USP22: variants seen among roughly 807,000 people sequenced by gnomAD.
USP22 encodes ubiquitin carboxyl-terminal hydrolase 22.
USP22 carries 22 observed loss-of-function variants against 68.1 expected under a neutral mutation model. That is an observed-to-expected ratio of 0.32 (90% CI 0.23 to 0.46). The LOEUF (loss-of-function observed/expected upper bound fraction) is 0.46, where lower values mean the gene tolerates loss of function less well. Ranked by LOEUF, USP22 falls within the 20% of genes least tolerant of loss-of-function variation. The pLI is 1.00. For missense variants in USP22, 433 were observed against 695.8 expected (o/e 0.62, Z 4.25); for synonymous variants, 279 against 274.2 (o/e 1.02, Z -0.17).
At chr17:21,005,029 C>T (rs764126930) in intron 10 of USP22, 39 bp from the exon 11 acceptor site, 5 of 1,609,918 alleles carry the variant, frequency 3.1e-6, no homozygotes, top group Admixed American at 1.7e-5. Context: ...TCATTAAAAT[C>T]ATCAGGCCCA....
intron 3 of USP22, 31 bp downstream of exon 3, chr17:21,021,082 A>T: frequency 6.4e-7 from 1 of 1,551,130 alleles, no homozygotes; most frequent in Middle Eastern, 1.7e-4. Context: ...GAACTGCAGG[A>T]TCAAGCAGGT....
At chr17:21,003,115 T>C in intron 12 of USP22, 42 bp from the exon 13 acceptor site, 4 of 1,611,582 alleles carry the variant, frequency 2.5e-6, no homozygotes, top group African/African-American at 1.3e-5. Context: ...CTCTAACTCC[T>C]AAGACAGGAG....
intron 4 of USP22, among the ~76,000 whole-genome samples, chr17:21,018,788 C>T (rs1048608302): frequency 1.3e-5 from 2 of 152,222 alleles, no homozygotes; most frequent in African/African-American, 4.8e-5. Context: ...ATTTCTCTCC[C>T]TGAAGATTAC....
chr17:21,019,292 G>A, intron 3 of USP22, 107 bp from the exon 4 acceptor site: 1 of 1,070,196 alleles, frequency 9.3e-7, no homozygotes, highest in Non-Finnish European at 1.4e-6. Context: ...GTGCATTTCA[G>A]TGAGCAACAT....
intron 1 of USP22, among the ~76,000 whole-genome samples, chr17:21,033,976 T>C (rs1487932374): frequency 1.3e-5 from 2 of 152,054 alleles, no homozygotes; most frequent in Non-Finnish European, 2.9e-5. Context: ...CTTGAACTAC[T>C]GACCTCAAGT....
At chr17:21,008,177 A>G (rs1232796834) in intron 8 of USP22, among the ~76,000 whole-genome samples, 181 bp from the exon 9 acceptor site, 1 of 152,374 alleles carries the variant, frequency 6.6e-6, no homozygotes. Context: ...GCCTGTCTCT[A>G]CAGAATATTT....
intron 1 of USP22, among the ~76,000 whole-genome samples, chr17:21,039,714 C>T (rs1972402413): frequency 6.6e-6 from 1 of 152,178 alleles, no homozygotes; most frequent in African/African-American, 2.4e-5. Context: ...TAACAAAACT[C>T]GTAATTCCTA....
At chr17:21,033,226 G>A (rs995230432) in intron 1 of USP22, among the ~76,000 whole-genome samples, 2 of 152,182 alleles carry the variant, frequency 1.3e-5, no homozygotes, top group African/African-American at 4.8e-5. Flanking sequence ...CCCTTGCAAT[G>A]ATTTCTGAAT....
chr17:21,028,451 A>C (rs778641077), intron 2 of USP22, 91 bp downstream of exon 2: 611 of 1,554,118 alleles, frequency 3.9e-4, no homozygotes, highest in Non-Finnish European at 5.1e-4. Context: ...GACAAAGTGG[A>C]CTTTTGGAAG....
At chr17:21,028,027 G>A (rs771706188) in intron 2 of USP22, among the ~76,000 whole-genome samples, 30 of 152,178 alleles carry the variant, frequency 2.0e-4, no homozygotes, top group South Asian at 1.0e-3. Flanking sequence ...AATGTAGAAT[G>A]AGTTTGATTT....
intron 1 of USP22, among the ~76,000 whole-genome samples, chr17:21,039,946 T>C (rs1409987609): frequency 6.6e-6 from 1 of 152,210 alleles, no homozygotes; most frequent in African/African-American, 2.4e-5. Context: ...GGCTCTGGCC[T>C]GTAATCCCAG....
intron 6 of USP22, among the ~76,000 whole-genome samples, chr17:21,015,053 T>A (rs1052333609): frequency 2.6e-5 from 4 of 152,210 alleles, no homozygotes; most frequent in African/African-American, 7.2e-5. Flanking sequence ...ATGGATAGAC[T>A]TCAGCTGCAG....
chr17:21,017,197 C>T (rs557304648), intron 5 of USP22, among the ~76,000 whole-genome samples: 2 of 152,346 alleles, frequency 1.3e-5, no homozygotes, highest in East Asian at 3.9e-4. Context: ...ACAAAAGCGA[C>T]CAGTGACCAG....
intron 6 of USP22, among the ~76,000 whole-genome samples, chr17:21,015,203 C>T (rs796456209): frequency 1.4e-4 from 21 of 152,342 alleles, no homozygotes; most frequent in African/African-American, 4.8e-4. Flanking sequence ...GAAAAATCAT[C>T]AGGGTACCAC....
rs1358864313 is a variant in USP22 at position 21,004,973 on chromosome 17, T to C, written c.1340A>G (p.Asn447Ser). 6.2e-7 allele frequency: 1 copy of C among 1,614,206 alleles called. No homozygotes were observed. Among genetic ancestry groups the C allele is most frequent in the Non-Finnish European group, 8.5e-7 (1 of 1,180,034 alleles). ...GTCCGTGGGCTGCTGGTACTGTCCA[T>C]TCATCCTGCTCTCTTTGCTGTAACA... ...FMASSKESRM[N>S]GQYQQPTDSL... Residue 447 changes from asparagine to serine, a missense_variant, in exon 11 of 13, where the codon AAT becomes AGT. Asn to Ser is a conservative substitution (Grantham distance 46). Transcript: ENST00000261497.
rs146979129 is a variant in USP22, at chr17:21,032,371, C to G, written c.172-3697G>C. On this transcript the variant is annotated intron_variant, in intron 1 of 12. Coordinates refer to ENST00000261497, the MANE Select transcript of USP22 (RefSeq NM_015276.2). ...TTCCCCAATCTACACTGTGGAACAG[C>G]ACGTCCATTGATAATACTGTATCAG... Among the ~76,000 whole-genome samples the G allele has an allele frequency of 4.4e-3, 668 of 152,346 alleles. 7 individuals are homozygous for G. The highest frequency in any genetic ancestry group is 0.015 in the African/African-American group (633 of 41,578).
At chr17:21,005,247 T>A (rs1340934836) in intron 10 of USP22, 2 of 478,686 alleles carry the variant, frequency 4.2e-6, no homozygotes, top group East Asian at 7.0e-5. Flanking sequence ...GGGTCCTGAA[T>A]AGGGCTGGTA....
intron 7 of USP22, chr17:21,011,663 C>T (rs1254222632): frequency 3.9e-6 from 1 of 257,680 alleles, no homozygotes; most frequent in African/African-American, 2.3e-5. Flanking sequence ...GCATCTAGAA[C>T]TTGGGGCCTG....
chr17:21,013,942 C>T (rs934872363), intron 6 of USP22, among the ~76,000 whole-genome samples: 4 of 152,178 alleles, frequency 2.6e-5, no homozygotes, highest in East Asian at 1.9e-4. Flanking sequence ...GGCATGGTGG[C>T]GGGCGCCTGT....
Sources: allele counts gnomAD v4.1 joint callset (sites outside exome capture counted in the v4.1 genomes callset), GRCh38; gene constraint gnomAD v4.1.1; transcripts MANE v1.5; gene names NCBI Gene and HGNC (gene_info 2026-07-23, HGNC 2026-07-21).